The following RHBDD1 variants were observed in gnomAD, a reference collection of about 807,000 sequenced individuals.
RHBDD1 encodes rhomboid domain containing 1.
A neutral mutation model predicts 36.3 loss-of-function variants in RHBDD1; 38 were observed. That is an observed-to-expected ratio of 1.05 (90% CI 0.81 to 1.37). The LOEUF (loss-of-function observed/expected upper bound fraction) is 1.37. RHBDD1 is among the 40% of genes most tolerant of loss of function. The pLI is 0.00. For synonymous variants in RHBDD1, 151 were observed against 136.5 expected, an observed-to-expected ratio of 1.11 and a Z score of -0.74; for missense variants, 393 against 377.6, an observed-to-expected ratio of 1.04 and a Z score of -0.34.
At chr2:226,871,100 T>C (rs1185024325) in intron 5 of RHBDD1, among the ~76,000 whole-genome samples, 1 of 152,240 alleles carries the variant, frequency 6.6e-6, no homozygotes, top group Non-Finnish European at 1.5e-5. Flanking sequence ...AAAAATTATT[T>C]GGCTAGATTG....
intron 3 of RHBDD1, among the ~76,000 whole-genome samples, chr2:226,860,952 G>A (rs1398642275): frequency 2.6e-5 from 4 of 152,110 alleles, no homozygotes; most frequent in Admixed American, 1.3e-4. Context: ...GGGAATATAA[G>A]TGTTTTGTTA....
chr2:226,843,214 C>T (rs527354415), intron 3 of RHBDD1, among the ~76,000 whole-genome samples: 7 of 152,316 alleles, frequency 4.6e-5, no homozygotes, highest in South Asian at 2.1e-4. Context: ...ATGTCATCTG[C>T]AAACAGATAA....
At chr2:226,815,719 A>G in the RHBDD1 span, among the ~76,000 whole-genome samples, 2 of 152,204 alleles carry the variant, frequency 1.3e-5, no homozygotes, top group Non-Finnish European at 2.9e-5. Context: ...TGGAGAAAAA[A>G]AAAATGTTAT....
chr2:226,818,489 A>G, the RHBDD1 span, among the ~76,000 whole-genome samples: 1 of 150,704 alleles, frequency 6.6e-6, no homozygotes, highest in East Asian at 2.0e-4. Flanking sequence ...ATTATTTGCC[A>G]ACGTTAAACA....
intron 3 of RHBDD1, among the ~76,000 whole-genome samples, chr2:226,863,779 G>C (rs1411138001): frequency 6.6e-6 from 1 of 152,130 alleles, no homozygotes; most frequent in East Asian, 1.9e-4. Context: ...CATTCTGTTA[G>C]CCAAAGCATG....
intron 3 of RHBDD1, among the ~76,000 whole-genome samples, chr2:226,860,375 C>T (rs148531497): frequency 5.9e-4 from 90 of 152,312 alleles, no homozygotes; most frequent in African/African-American, 2.1e-3. Flanking sequence ...TTTCAGTTCA[C>T]AGATAAGTTG....
At chr2:226,982,839 A>G (rs2149454841) in intron 8 of RHBDD1, among the ~76,000 whole-genome samples, 2 of 152,338 alleles carry the variant, frequency 1.3e-5, no homozygotes, top group South Asian at 4.1e-4. Context: ...CCTTGTTCCT[A>G]GGACTGGGTG....
chr2:226,807,108 C>CAAATTAAG, the RHBDD1 span, among the ~76,000 whole-genome samples: 1 of 152,064 alleles, frequency 6.6e-6, no homozygotes, highest in South Asian at 2.1e-4. Flanking sequence ...AGGCAAAAGG[C>CAAATTAAG]AAATTAAGAA....
intron 3 of RHBDD1, among the ~76,000 whole-genome samples, chr2:226,859,628 A>G (rs1325679896): frequency 1.3e-5 from 2 of 152,168 alleles, no homozygotes; most frequent in Non-Finnish European, 1.5e-5. Context: ...GGAGAAGGTT[A>G]TTCTTGCCCT....
chr2:226,814,322 G>A, the RHBDD1 span, among the ~76,000 whole-genome samples: 1 of 152,114 alleles, frequency 6.6e-6, no homozygotes, highest in Non-Finnish European at 1.5e-5. Context: ...GAAGCATTCA[G>A]AGCATCTAGT....
intron 5 of RHBDD1, among the ~76,000 whole-genome samples, chr2:226,888,509 T>C (rs1202243623): frequency 1.3e-5 from 2 of 152,090 alleles, no homozygotes; most frequent in Non-Finnish European, 2.9e-5. Flanking sequence ...GAGTGTCTAA[T>C]TGGGAGTGAA....
At chr2:226,990,040 A>C (rs894821783) in intron 8 of RHBDD1, among the ~76,000 whole-genome samples, 1 of 152,260 alleles carries the variant, frequency 6.6e-6, no homozygotes, top group Non-Finnish European at 1.5e-5. Flanking sequence ...ACCAAAACTG[A>C]AATTTCCATT....
At chr2:226,887,511 A>G (rs1230696297) in intron 5 of RHBDD1, among the ~76,000 whole-genome samples, 1 of 152,260 alleles carries the variant, frequency 6.6e-6, no homozygotes, top group Non-Finnish European at 1.5e-5. Context: ...GATATATACC[A>G]AGTAATTTGA....
chr2:226,866,510 G>A (rs1307222083), intron 4 of RHBDD1, among the ~76,000 whole-genome samples: 1 of 152,198 alleles, frequency 6.6e-6, no homozygotes, highest in Non-Finnish European at 1.5e-5. Context: ...CAGCTCGGAA[G>A]CGATGGAGCT....
At chr2:226,945,602 T>C (rs1339064075) in intron 8 of RHBDD1, among the ~76,000 whole-genome samples, 3 of 152,104 alleles carry the variant, frequency 2.0e-5, no homozygotes, top group Non-Finnish European at 2.9e-5. Context: ...CTATTGTGAG[T>C]AGTGCCGCGG....
intron 3 of RHBDD1, among the ~76,000 whole-genome samples, chr2:226,852,737 C>G (rs955918205): frequency 2.0e-5 from 3 of 151,946 alleles, no homozygotes; most frequent in South Asian, 2.1e-4. Context: ...TACCTTGTCT[C>G]TTTTAGTAAG....
intron 3 of RHBDD1, among the ~76,000 whole-genome samples, chr2:226,859,324 A>C (rs1382247304): frequency 1.3e-5 from 2 of 152,170 alleles, no homozygotes; most frequent in Non-Finnish European, 2.9e-5. Context: ...ATTATTCCCT[A>C]ACAATACAAT....
chr2:226,989,395 T>C (rs1429661624), intron 8 of RHBDD1, among the ~76,000 whole-genome samples: 2 of 152,192 alleles, frequency 1.3e-5, no homozygotes, highest in African/African-American at 4.8e-5. Context: ...GTATAGTAAC[T>C]GGAAGGGGGC....
chr2:226,991,361 T>C (rs1244511458), intron 8 of RHBDD1, among the ~76,000 whole-genome samples: 1 of 152,208 alleles, frequency 6.6e-6, no homozygotes, highest in Non-Finnish European at 1.5e-5. Context: ...TTTGTATTTT[T>C]AGTAGAGTCG....
Sources: allele counts gnomAD v4.1 joint callset (sites outside exome capture counted in the v4.1 genomes callset), GRCh38; gene constraint gnomAD v4.1.1; transcripts MANE v1.5; gene names NCBI Gene and HGNC (gene_info 2026-07-23, HGNC 2026-07-21).